Variants in ATP13A4 observed in about 807,000 individuals in gnomAD.
ATP13A4 encodes the protein probable cation-transporting ATPase 13A4.
ATP13A4 carries 114 observed loss-of-function variants against 142.5 expected under a neutral mutation model. The observed-to-expected ratio is 0.80, with a 90% CI of 0.69 to 0.93. The LOEUF is 0.93. Among genes scored for constraint, ATP13A4 ranks in the 40% least tolerant of loss-of-function variants. The pLI is 0.00. For missense variants in ATP13A4, 1,392 were observed against 1,454.0 expected, an observed-to-expected ratio of 0.96 and a Z score of 0.69; for synonymous variants, 488 against 514.8, an observed-to-expected ratio of 0.95 and a Z score of 0.70.
intron 25 of ATP13A4, among the ~76,000 whole-genome samples, chr3:193,428,381 G>T (rs1715785630): frequency 6.6e-6 from 1 of 152,086 alleles, no homozygotes; most frequent in African/African-American, 2.4e-5. Flanking sequence ...AAGACAGTGT[G>T]GTGATTCCTC....
chr3:193,463,820 G>T (rs777193799), intron 12 of ATP13A4, among the ~76,000 whole-genome samples: 7 of 152,106 alleles, frequency 4.6e-5, no homozygotes, highest in African/African-American at 7.2e-5. Context: ...ACAAAATGGT[G>T]GCAAGAGTCA....
chr3:193,442,683 C>G (rs1367577786), intron 18 of ATP13A4, 127 bp from the exon 19 acceptor site: 1 of 953,910 alleles, frequency 1.0e-6, no homozygotes, highest in East Asian at 2.5e-5. Context: ...TCTCTGATAT[C>G]TATTTCAGCC....
At chr3:193,521,855 C>A (rs1721736348) in intron 1 of ATP13A4, among the ~76,000 whole-genome samples, 1 of 152,074 alleles carries the variant, frequency 6.6e-6, no homozygotes, top group Non-Finnish European at 1.5e-5. Flanking sequence ...ATGGTGTGAA[C>A]CCAGGAGGCA....
chr3:193,465,892 A>G, intron 11 of ATP13A4, 133 bp downstream of exon 11: 2 of 1,014,938 alleles, frequency 2.0e-6, no homozygotes, highest in Non-Finnish European at 3.0e-6. Context: ...CTGGAAGTCT[A>G]TACGTAGGCA....
chr3:193,475,246 G>A (rs1379262093), intron 8 of ATP13A4, among the ~76,000 whole-genome samples: 1 of 152,004 alleles, frequency 6.6e-6, no homozygotes, highest in South Asian at 2.1e-4. Flanking sequence ...ACTGAGAAAT[G>A]TTTTTTCAAT....
chr3:193,448,406 CT>C (rs1337226228), intron 17 of ATP13A4, 76 bp from the exon 18 acceptor site: 3 of 1,559,942 alleles, frequency 1.9e-6, no homozygotes, highest in Non-Finnish European at 2.6e-6. Context: ...GAGTCTCGCT[CT>C]GTCATCCAGG....
chr3:193,457,275 C>A, intron 15 of ATP13A4, 104 bp downstream of exon 15: 1 of 1,571,914 alleles, frequency 6.4e-7, no homozygotes, highest in Non-Finnish European at 8.8e-7. Context: ...CCCATTTTCA[C>A]ACCTGAAATT....
chr3:193,414,587 C>A lies in ATP13A4; in HGVS notation c.3006G>T (p.Glu1002Asp). Reference sequence around the variant, plus strand: ...TGAGACTATACTCATACCTGTGTATCTCCACGGAATACCAAGGCTGCCTCT... The same window carrying A: ...TGAGACTATACTCATACCTGTGTATATCCACGGAATACCAAGGCTGCCTCT... ...LVQRQPWYSV[E>D]IHSACTVQNE... The change falls in exon 26 of 30, where the codon GAG becomes GAT. Residue 1002 changes from glutamate to aspartate, a missense_variant. Glu to Asp is a conservative substitution (Grantham distance 45). Transcript: ENST00000342695. The A allele has an allele frequency of 6.2e-7, 1 of 1,613,862 alleles. No homozygotes were observed. The highest frequency in any genetic ancestry group is 8.5e-7 in the Non-Finnish European group (1 of 1,179,852).
At position 193,469,988 on chromosome 3, in the gene ATP13A4, G is replaced by C. The variant is rs528702913; in HGVS notation, c.943+871C>G. On this transcript the variant is annotated intron_variant, in intron 9 of 29. Transcript: ENST00000342695. ...ATGGTCTGCGACACATCTATTCTTT[G>C]TAAGCTAACATAGGAAGAAGGTGTG... 3.4e-3 allele frequency among the ~76,000 whole-genome samples: 512 copies of C among 152,292 alleles called. 6 individuals are homozygous for C. Among genetic ancestry groups the C allele is most frequent in the Middle Eastern group, 0.02 (6 of 294 alleles).
chr3:193,515,360 C>T (rs183206866), intron 1 of ATP13A4, among the ~76,000 whole-genome samples: 1 of 152,256 alleles, frequency 6.6e-6, no homozygotes, highest in East Asian at 1.9e-4. Flanking sequence ...CAAGAGATTC[C>T]CTTGGCTGGG....
intron 1 of ATP13A4, among the ~76,000 whole-genome samples, chr3:193,525,038 A>G (rs533732165): frequency 3.3e-5 from 5 of 152,332 alleles, no homozygotes; most frequent in African/African-American, 2.4e-5. Flanking sequence ...AAAGAGCAGA[A>G]CAGCTTCAGT....
intron 2 of ATP13A4, among the ~76,000 whole-genome samples, chr3:193,561,406 T>C (rs992113921): frequency 3.9e-5 from 6 of 152,152 alleles, no homozygotes; most frequent in Non-Finnish European, 8.8e-5. Context: ...CCACTTAGGA[T>C]TATTTATGCT....
intron 28 of ATP13A4, 113 bp from the exon 29 acceptor site, chr3:193,407,506 ATGTGTG>A: frequency 1.4e-6 from 1 of 739,020 alleles, no homozygotes; most frequent in Non-Finnish European, 2.3e-6. Flanking sequence ...TGTAATATAT[ATGTGTG>A]TATATTACAT....
At chr3:193,555,097 AC>A (rs1237445692), upstream of ATP13A4, 3 of 501,524 alleles carry the variant, frequency 6.0e-6, no homozygotes, top group Admixed American at 1.0e-4. Context: ...TTTGTGCCCA[AC>A]TTACAGGGAA....
chr3:193,559,697 T>C (rs1723974449), upstream of ATP13A4, among the ~76,000 whole-genome samples: 1 of 152,238 alleles, frequency 6.6e-6, no homozygotes, highest in South Asian at 2.1e-4. Flanking sequence ...TCAGAGGACT[T>C]GCTCTCAAAT....
upstream of ATP13A4, chr3:193,555,185 A>C (rs1723837554): frequency 2.9e-6 from 1 of 349,428 alleles, no homozygotes; most frequent in East Asian, 7.2e-5. Context: ...CAGAGTTGGC[A>C]GGACCCTTCT....
chr3:193,506,342 A>C (rs1720859921), intron 2 of ATP13A4, among the ~76,000 whole-genome samples: 1 of 152,190 alleles, frequency 6.6e-6, no homozygotes, highest in Non-Finnish European at 1.5e-5. Context: ...GGTCTCATTG[A>C]GAAGGCTTTA....
At chr3:193,440,169 C>A in intron 21 of ATP13A4, 1 of 227,208 alleles carries the variant, frequency 4.4e-6, no homozygotes, top group Non-Finnish European at 8.8e-6. Flanking sequence ...ATCCCTATAT[C>A]ATCATTGTGA....
At chr3:193,409,503 ATCT>A (rs981591111) in intron 28 of ATP13A4, among the ~76,000 whole-genome samples, 11 of 152,204 alleles carry the variant, frequency 7.2e-5, no homozygotes, top group Non-Finnish European at 1.2e-4. Context: ...TTCTGTAAGA[ATCT>A]TCTTCTATTA....
Sources: allele counts gnomAD v4.1 joint callset (sites outside exome capture counted in the v4.1 genomes callset), GRCh38; gene constraint gnomAD v4.1.1; transcripts MANE v1.5; gene names NCBI Gene and HGNC (gene_info 2026-07-23, HGNC 2026-07-21).